Variants in KSR2 observed in about 807,000 individuals in gnomAD.
KSR2 encodes kinase suppressor of ras 2.
In KSR2, 25 loss-of-function variants were observed where a neutral mutation model predicts 107.8. The observed-to-expected ratio is 0.23, with a 90% CI of 0.17 to 0.32. KSR2 has a LOEUF of 0.32. KSR2 is among the 10% of genes least tolerant of loss of function. The pLI is 1.00. For missense variants in KSR2, 887 were observed against 1,268.9 expected (o/e 0.70, Z 4.57); for synonymous variants, 480 against 507.0 (o/e 0.95, Z 0.71).
chr12:117,852,267 C>CAA (rs200042235), intron 3 of KSR2, among the ~76,000 whole-genome samples: 71 of 146,082 alleles, frequency 4.9e-4, no homozygotes, highest in Middle Eastern at 3.6e-3. Context: ...TACTAAAATA[C>CAA]AAAAAAAAAA....
chr12:117,768,774 T>G (rs1375801968), intron 3 of KSR2, among the ~76,000 whole-genome samples: 1 of 152,230 alleles, frequency 6.6e-6, no homozygotes, highest in African/African-American at 2.4e-5. Flanking sequence ...TAAAAAGTTA[T>G]AGACCCACGG....
At chr12:117,918,006 C>G (rs1412965657) in intron 1 of KSR2, among the ~76,000 whole-genome samples, 1 of 152,234 alleles carries the variant, frequency 6.6e-6, no homozygotes. Context: ...TAGTGGCTGT[C>G]TCCACTTCTC....
chr12:117,612,953 C>T (rs939174238), intron 5 of KSR2, among the ~76,000 whole-genome samples: 1 of 152,160 alleles, frequency 6.6e-6, no homozygotes, highest in East Asian at 1.9e-4. Flanking sequence ...TTTCCTTCTG[C>T]CATGATTGTA....
intron 5 of KSR2, among the ~76,000 whole-genome samples, chr12:117,603,101 A>G (rs532080316): frequency 2.0e-5 from 3 of 152,366 alleles, no homozygotes; most frequent in African/African-American, 7.2e-5. Context: ...TAAGAGAATT[A>G]CCAAGAGGAT....
intron 10 of KSR2, among the ~76,000 whole-genome samples, chr12:117,536,242 G>T (rs1037952866): frequency 6.6e-6 from 1 of 152,120 alleles, no homozygotes; most frequent in Non-Finnish European, 1.5e-5. Flanking sequence ...ATCTGGCAGG[G>T]ACCCACAGGC....
intron 18 of KSR2, among the ~76,000 whole-genome samples, chr12:117,470,532 G>A (rs1871386394): frequency 6.6e-6 from 1 of 152,154 alleles, no homozygotes; most frequent in African/African-American, 2.4e-5. Context: ...ACAGTTTCTT[G>A]ACATTTCTCT....
chr12:117,685,961 C>T (rs1885555180), intron 4 of KSR2, among the ~76,000 whole-genome samples: 1 of 152,206 alleles, frequency 6.6e-6, no homozygotes, highest in African/African-American at 2.4e-5. Context: ...GTACCTTGGT[C>T]CTAATTATGA....
At chr12:117,511,253 G>T (rs1874007597) in intron 14 of KSR2, among the ~76,000 whole-genome samples, 1 of 152,244 alleles carries the variant, frequency 6.6e-6, no homozygotes, top group Admixed American at 6.5e-5. Context: ...ACACACAGGT[G>T]CTCAACTCTG....
chr12:117,824,990 G>A (rs540869121), intron 3 of KSR2, among the ~76,000 whole-genome samples: 1 of 152,102 alleles, frequency 6.6e-6, no homozygotes, highest in Non-Finnish European at 1.5e-5. Flanking sequence ...GACCAGCCTG[G>A]CCAACATAGC....
At chr12:117,714,108 G>A (rs16947907) in intron 4 of KSR2, among the ~76,000 whole-genome samples, 1,855 of 152,210 alleles carry the variant, frequency 0.012, 45 homozygotes, top group African/African-American at 0.042. Flanking sequence ...AGTCTGGCTC[G>A]TTAAATATTC....
At chr12:117,575,927 C>A (rs758385752) in intron 7 of KSR2, among the ~76,000 whole-genome samples, 1 of 152,168 alleles carries the variant, frequency 6.6e-6, no homozygotes, top group Non-Finnish European at 1.5e-5. Context: ...TGATGGCACA[C>A]CTCTGCTTAA....
chr12:117,828,805 C>T (rs1388779918), intron 3 of KSR2, among the ~76,000 whole-genome samples: 2 of 152,188 alleles, frequency 1.3e-5, no homozygotes, highest in Non-Finnish European at 2.9e-5. Context: ...GACTCTAGGT[C>T]CTTGTCCCTT....
At chr12:117,770,763 C>T (rs1370693400) in intron 3 of KSR2, among the ~76,000 whole-genome samples, 5 of 151,204 alleles carry the variant, frequency 3.3e-5, no homozygotes, top group African/African-American at 9.7e-5. Context: ...GTCAGGAGAT[C>T]GAGACCATCC....
At chr12:117,744,991 C>T (rs577084052) in intron 4 of KSR2, among the ~76,000 whole-genome samples, 48 of 152,216 alleles carry the variant, frequency 3.2e-4, no homozygotes, top group Non-Finnish European at 5.4e-4. Flanking sequence ...TTAACTCCCC[C>T]CAACAAAACT....
intron 7 of KSR2, among the ~76,000 whole-genome samples, chr12:117,562,577 C>T (rs1257067121): frequency 2.6e-5 from 4 of 152,134 alleles, no homozygotes; most frequent in Non-Finnish European, 5.9e-5. Flanking sequence ...GTTGGTATCT[C>T]GTGGGCAGCA....
At chr12:117,600,984 C>T (rs1289362237) in intron 5 of KSR2, among the ~76,000 whole-genome samples, 2 of 152,152 alleles carry the variant, frequency 1.3e-5, no homozygotes, top group African/African-American at 4.8e-5. Context: ...TTTGCCCCCT[C>T]TAAGACTGTT....
chr12:117,775,298 C>T (rs1220810770), intron 3 of KSR2, among the ~76,000 whole-genome samples: 2 of 152,154 alleles, frequency 1.3e-5, no homozygotes, highest in Admixed American at 1.3e-4. Flanking sequence ...TTCTGACTTC[C>T]CCACATCCTC....
At chr12:117,495,905 T>C (rs887490553) in intron 14 of KSR2, among the ~76,000 whole-genome samples, 1 of 151,930 alleles carries the variant, frequency 6.6e-6, no homozygotes, top group Non-Finnish European at 1.5e-5. Context: ...AATACAAAAA[T>C]TAGCCAGGCG....
At chr12:117,961,005 T>C (rs1487526900) in intron 1 of KSR2, among the ~76,000 whole-genome samples, 2 of 152,022 alleles carry the variant, frequency 1.3e-5, no homozygotes, top group African/African-American at 4.8e-5. Context: ...CACCACATTG[T>C]CCAGACTGGT....
Sources: allele counts gnomAD v4.1 joint callset (sites outside exome capture counted in the v4.1 genomes callset), GRCh38; gene constraint gnomAD v4.1.1; transcripts MANE v1.5; gene names NCBI Gene and HGNC (gene_info 2026-07-23, HGNC 2026-07-21).